FCSK: variants seen among roughly 807,000 people sequenced by gnomAD.
The protein encoded by FCSK is L-fucose kinase.
A neutral mutation model predicts 122.5 loss-of-function variants in FCSK; 123 were observed. The observed-to-expected ratio is 1.00, with a 90% CI of 0.87 to 1.17. The LOEUF (loss-of-function observed/expected upper bound fraction) is 1.17, where lower values mean the gene tolerates loss of function less well. Ranked by LOEUF, FCSK falls within the 50% of genes most tolerant of loss-of-function variation. The probability of loss-of-function intolerance (pLI) is 0.00; values close to 1 mark genes in which losing one functional copy is unlikely to be tolerated. For synonymous variants in FCSK, 620 were observed against 625.5 expected (o/e 0.99, Z 0.13); for missense variants, 1,366 against 1,450.4 (o/e 0.94, Z 0.95).
Position 70,472,968 on chromosome 16 carries a change from T to A in FCSK, c.1407-15T>A. The A allele has an allele frequency of 6.3e-7, 1 of 1,593,592 alleles. No individual in the cohort carries two copies. Among genetic ancestry groups the A allele is most frequent in the African/African-American group, 1.3e-5 (1 of 74,084 alleles). The stretch of plus-strand genomic sequence containing the variant: ...TTTGCTTCCCTCCTGGGAATGTGCC[T>A]TCTCCCCACATCAGAGCCTGGGACC... On this transcript the variant is annotated splice_polypyrimidine_tract_variant and intron_variant, in intron 14 of 23. Transcript: ENST00000288078.
Position 70,479,189 on chromosome 16 carries a change from C to G in FCSK, c.2939C>G (p.Pro980Arg), listed in dbSNP as rs1270542475. 1 of 1,613,004 alleles carries G rather than the reference C, an allele frequency of 6.2e-7. No individual in the cohort carries two copies. Among genetic ancestry groups the G allele is most frequent in the Non-Finnish European group, 8.5e-7 (1 of 1,179,902 alleles). ...CAEGFRQGSL[P>R]LLGQCLTSYW... ...CTCTGCCCCACCTCAGGAAGCCTGC[C>G]TCTGCTGGGCCAGTGCCTGACCTCG... is the stretch of plus-strand genomic sequence containing the variant. The change falls in exon 23 of 24, where the codon CCT (proline) becomes CGT (arginine). Residue 980 changes from proline to arginine, a missense_variant. Transcript: ENST00000288078.
At chr16:70,459,438 G>A (rs2048193819) in intron 1 of FCSK, among the ~76,000 whole-genome samples, 1 of 152,048 alleles carries the variant, frequency 6.6e-6, no homozygotes, top group Non-Finnish European at 1.5e-5. Flanking sequence ...TCGGGAGGCT[G>A]AGGCAGGGAG....
chr16:70,468,702 T>G, intron 8 of FCSK, 147 bp from the exon 9 acceptor site: 2 of 943,904 alleles, frequency 2.1e-6, no homozygotes, highest in Non-Finnish European at 3.2e-6. Flanking sequence ...AAGCCTGGAG[T>G]CTGGCTGCTG....
Position 70,457,564 on chromosome 16 carries a change from GTTTCTTTC to G in FCSK, c.-23+2954_-23+2961del, listed in dbSNP as rs146101067. 6.7e-4 allele frequency among the ~76,000 whole-genome samples: 102 copies of G among 151,526 alleles called. 1 individual carries two copies. The highest frequency in any genetic ancestry group is 2.2e-3 in the African/African-American group (92 of 41,238). ...GCTACCACATCTGGCCATTTCAAGG[GTTTCTTTC>G]TTTCTTTCTTTCTTTCTTTTTTCCT... On this transcript the variant is annotated intron_variant, in intron 1 of 23. Transcript: ENST00000288078.
chr16:70,473,963 G>A lies in FCSK; in HGVS notation c.1778-166G>A, dbSNP rs1299837175. On this transcript the variant is annotated intron_variant, in intron 15 of 23. Coordinates refer to ENST00000288078, the MANE Select transcript of FCSK (RefSeq NM_145059.3). This position sits in a 1 kb window ranked among gnomAD's most constrained non-coding sequence, Gnocchi z 4.9. ...GGACTGGCAAGACGAGATGATCTCT[G>A]CCAGGCAGAGAGCAGGAGTGCAGTT... Among the ~76,000 whole-genome samples the A allele has an allele frequency of 7.0e-6, 1 of 142,378 alleles. No individual in the cohort carries two copies. Among genetic ancestry groups the A allele is most frequent in the African/African-American group, 3.1e-5 (1 of 32,208 alleles). The allele number at this position is 142,378 out of a possible 152,430, so 93.4% of individuals were successfully genotyped here.
At chr16:70,469,351 G>A (rs1309208496) in intron 10 of FCSK, 28 bp downstream of exon 10, 3 of 1,557,260 alleles carry the variant, frequency 1.9e-6, no homozygotes, top group South Asian at 2.4e-5. Flanking sequence ...GCTCCCTGGG[G>A]TGGGGAGACC....
rs1416364371 is a variant in FCSK at position 70,479,583 on chromosome 16, T to G, written c.3158T>G (p.Leu1053Arg). 1 of 1,613,624 alleles carries G rather than the reference T, an allele frequency of 6.2e-7. No homozygotes were observed. The highest frequency in any genetic ancestry group is 2.2e-5 in the East Asian group (1 of 44,900). The change falls in exon 24 of 24, where the codon CTT becomes CGT. Residue 1053 changes from leucine to arginine, a missense_variant. Transcript: ENST00000288078. The stretch of plus-strand genomic sequence containing the variant: ...AATACTTCCTGTCTTGTCCAGGGCC[T>G]TGGGAATTACAGCATCCACCTGGTT... ...LEAVLAKTEG[L>R]GNYSIHLVEV...
intron 1 of FCSK, among the ~76,000 whole-genome samples, chr16:70,461,719 C>T (rs1186503552): frequency 2.6e-5 from 4 of 152,212 alleles, no homozygotes; most frequent in Non-Finnish European, 5.9e-5. Context: ...CTCTCGCCTT[C>T]CTTTCCCCCT....
chr16:70,465,081 C>T (rs370758484), intron 3 of FCSK, 45 bp from the exon 4 acceptor site: 64 of 1,609,860 alleles, frequency 4.0e-5, no homozygotes, highest in Non-Finnish European at 5.1e-5. Flanking sequence ...TCCTCCAGGG[C>T]GTCTGCCTGA....
At chr16:70,456,161 G>A (rs1431272886) in intron 1 of FCSK, among the ~76,000 whole-genome samples, 2 of 152,206 alleles carry the variant, frequency 1.3e-5, no homozygotes, top group Admixed American at 6.6e-5. Flanking sequence ...TGACAGAGCC[G>A]GACCCTGTTT....
At position 70,467,357 on chromosome 16, in the gene FCSK, A is replaced by C. The variant is rs759405804; in HGVS notation, c.485-17A>C. 1.1e-5 allele frequency: 17 copies of C among 1,586,866 alleles called. No homozygotes were observed. Among genetic ancestry groups the C allele is most frequent in the Non-Finnish European group, 1.4e-5 (16 of 1,164,726 alleles). ...GGTGGAGGCCCCTGGGAGCCTCCTG[A>C]CTGCCCCACCCCACAGGTATCAGCT... On this transcript the variant is annotated splice_polypyrimidine_tract_variant and intron_variant, in intron 6 of 23. Coordinates refer to ENST00000288078, the MANE Select transcript of FCSK (RefSeq NM_145059.3).
At chr16:70,472,220 T>A (rs1257547384) in intron 13 of FCSK, among the ~76,000 whole-genome samples, 5 of 152,130 alleles carry the variant, frequency 3.3e-5, no homozygotes, top group Non-Finnish European at 5.9e-5. Flanking sequence ...AACCCAGGGT[T>A]CTGCTCCAGA....
Position 70,479,785 on chromosome 16 carries a change from AT to A in FCSK, c.*106del. On this transcript the variant is annotated 3_prime_UTR_variant, in exon 24 of 24. Coordinates refer to ENST00000288078, the MANE Select transcript of FCSK (RefSeq NM_145059.3). ...TCCTACTCCCCACCCACCTCTGCGA[AT>A]CTGCTCCCAAAGGAAGCTGACCAGA... 1 of 815,962 alleles carries A rather than the reference AT, an allele frequency of 1.2e-6. No individual in the cohort carries two copies. The highest frequency in any genetic ancestry group is 2.7e-5 in the East Asian group (1 of 37,522). 50.5% of individuals were successfully genotyped at this position (815,962 alleles called of 1,614,324 possible).
rs201746910 is a variant in FCSK at position 70,474,304 on chromosome 16, G to A, written c.1953G>A (p.Glu651=). The A allele has an allele frequency of 4.3e-5, 69 of 1,613,522 alleles. No homozygotes were observed. The highest frequency in any genetic ancestry group is 5.4e-5 in the Non-Finnish European group (64 of 1,179,974). ...LECGDLAAGV[E]ALAQERDKWL... ...GTGGAGACCTGGCAGCGGGCGTGGA[G>A]GCGCTTGCCCAGGAGAGGGACAAGT... The change falls in exon 16 of 24, where the codon GAG becomes GAA. Residue 651 remains glutamate, a synonymous_variant. Transcript: ENST00000288078.
At chr16:70,470,737 C>G (rs1032259337) in intron 11 of FCSK, among the ~76,000 whole-genome samples, 9 of 152,120 alleles carry the variant, frequency 5.9e-5, no homozygotes, top group African/African-American at 2.2e-4. Flanking sequence ...AGGAAGGGGA[C>G]AGGTAGGGTT....
chr16:70,473,047 T>C lies in FCSK; in HGVS notation c.1471T>C (p.Phe491Leu). 1 of 1,589,914 alleles carries C rather than the reference T, an allele frequency of 6.3e-7. No individual in the cohort carries two copies. The highest frequency in any genetic ancestry group is 8.6e-7 in the Non-Finnish European group (1 of 1,169,094). Reference protein sequence around the residue: ...AEYCLPSARLFPVLHPSRELG... With the variant: ...AEYCLPSARLLPVLHPSRELG... ...GTACTGCCTTCCCAGCGCCCGCCTC[T>C]TTCCTGTGCTCCACCCCTCGAGGGA... is the stretch of plus-strand genomic sequence containing the variant. Residue 491 changes from phenylalanine to leucine, a missense_variant, in exon 15 of 24, where the codon TTT becomes CTT. By Grantham distance (22) the Phe-to-Leu change is conservative (BLOSUM62 0). Coordinates refer to ENST00000288078, the MANE Select transcript of FCSK (RefSeq NM_145059.3). The surrounding 1 kb of genome is among the most constrained non-coding windows in gnomAD (Gnocchi z 4.9).
chr16:70,474,026 G>A (rs1026094145), intron 15 of FCSK, 103 bp from the exon 16 acceptor site: 6 of 1,063,030 alleles, frequency 5.6e-6, no homozygotes, highest in Middle Eastern at 2.9e-4. Flanking sequence ...GCCAGGAGGT[G>A]TGAGGGGTCT....
At chr16:70,461,400 AG>A (rs977699287) in intron 1 of FCSK, among the ~76,000 whole-genome samples, 3 of 148,710 alleles carry the variant, frequency 2.0e-5, no homozygotes, top group African/African-American at 7.6e-5. Flanking sequence ...GGTCTCGGGG[AG>A]GCCAGGGGCT....
chr16:70,466,852 C>A (rs2048433242), intron 5 of FCSK, 30 bp from the exon 6 acceptor site: 1 of 1,603,568 alleles, frequency 6.2e-7, no homozygotes, highest in African/African-American at 1.3e-5. Context: ...GGCCAGGCAC[C>A]AGCTGTGTTC....
Sources: gnomAD v4.1 joint callset for allele counts (sites outside exome capture counted in the v4.1 genomes callset) on GRCh38, gnomAD v4.1.1 for gene constraint, Gnocchi (gnomAD v3.1) non-coding constraint, MANE v1.5 for transcripts, NCBI Gene and HGNC (gene_info 2026-07-23, HGNC 2026-07-21) for gene names.